TMEM196: variants seen among roughly 807,000 people sequenced by gnomAD.
TMEM196 encodes the protein transmembrane protein 196.
In TMEM196, 17 loss-of-function variants were observed where a neutral mutation model predicts 20.0. That is an observed-to-expected ratio of 0.85 (90% confidence interval 0.58 to 1.27). The LOEUF (loss-of-function observed/expected upper bound fraction) is 1.27, where lower values mean the gene tolerates loss of function less well. Ranked by LOEUF, TMEM196 falls within the 50% of genes most tolerant of loss-of-function variation. The pLI, the probability that TMEM196 is intolerant of heterozygous loss-of-function variation, is 0.00. For synonymous variants in TMEM196, 113 were observed against 88.9 expected (o/e 1.27, Z -1.52); for missense variants, 267 against 223.0 (o/e 1.20, Z -1.26).
At position 19,722,057 on chromosome 7, in the gene TMEM196, A is replaced by T; in HGVS notation, c.*71T>A. On this transcript the variant is annotated 3_prime_UTR_variant, in exon 5 of 5. Coordinates refer to ENST00000405844, the MANE Select transcript of TMEM196 (RefSeq NM_001363562.2). ...CTCATGAAAATCCTAAAAAGTGTTC[A>T]ATTCTTTAAAACATTGATTACACTC... The T allele has an allele frequency of 6.2e-7, 1 of 1,603,910 alleles. No homozygotes were observed. Among genetic ancestry groups the T allele is most frequent in the Non-Finnish European group, 8.5e-7 (1 of 1,173,928 alleles).
At chr7:19,730,567 G>T (rs942855580) in intron 1 of TMEM196, among the ~76,000 whole-genome samples, 4 of 152,186 alleles carry the variant, frequency 2.6e-5, no homozygotes, top group African/African-American at 9.6e-5. Context: ...TTCGCAAAGA[G>T]AACTAGTTTT....
chr7:19,734,412 G>C (rs1320534696), intron 1 of TMEM196, among the ~76,000 whole-genome samples: 1 of 152,158 alleles, frequency 6.6e-6, no homozygotes, highest in East Asian at 1.9e-4. Context: ...CATAACCCAT[G>C]AATATTATAG....
intron 1 of TMEM196, among the ~76,000 whole-genome samples, chr7:19,739,641 C>G (rs897804645): frequency 1.3e-5 from 2 of 151,980 alleles, no homozygotes; most frequent in Non-Finnish European, 2.9e-5. Context: ...AAATGAACTC[C>G]TAAAAACTAA....
At chr7:19,742,604 C>G (rs1056723244) in intron 1 of TMEM196, among the ~76,000 whole-genome samples, 1 of 152,144 alleles carries the variant, frequency 6.6e-6, no homozygotes, top group African/African-American at 2.4e-5. Context: ...GGGAATGAGG[C>G]AGTGTATAAA....
At chr7:19,766,963 T>G (rs1785656625) in intron 1 of TMEM196, among the ~76,000 whole-genome samples, 1 of 152,132 alleles carries the variant, frequency 6.6e-6, no homozygotes, top group Non-Finnish European at 1.5e-5. Flanking sequence ...AATTAAAAGT[T>G]TTGAATTTAT....
intron 1 of TMEM196, among the ~76,000 whole-genome samples, chr7:19,771,939 G>A (rs533248242): frequency 1.3e-5 from 2 of 152,224 alleles, no homozygotes; most frequent in East Asian, 3.9e-4. Flanking sequence ...CGTTTTCAGA[G>A]GTGAAATATC....
intron 1 of TMEM196, among the ~76,000 whole-genome samples, chr7:19,744,148 G>A (rs958052043): frequency 7.9e-5 from 12 of 152,274 alleles, no homozygotes; most frequent in Non-Finnish European, 1.5e-4. Flanking sequence ...ATGAATGGTG[G>A]TTTCTGAGCC....
chr7:19,762,512 A>G (rs1785474800), intron 1 of TMEM196, among the ~76,000 whole-genome samples: 1 of 152,104 alleles, frequency 6.6e-6, no homozygotes, highest in South Asian at 2.1e-4. Context: ...TAATAAGTGT[A>G]TTTATGTAAC....
intron 1 of TMEM196, among the ~76,000 whole-genome samples, chr7:19,742,823 G>A (rs1784624548): frequency 6.6e-6 from 1 of 152,140 alleles, no homozygotes; most frequent in African/African-American, 2.4e-5. Context: ...TAAGAGTCCT[G>A]AAGGGAGCAG....
chr7:19,738,030 G>A (rs1279507945), intron 1 of TMEM196, among the ~76,000 whole-genome samples: 1 of 151,864 alleles, frequency 6.6e-6, no homozygotes, highest in Non-Finnish European at 1.5e-5. Context: ...CAATGAAAGG[G>A]GTCAGGGAGA....
In TMEM196 at chr7:19,720,077, A is replaced by C. The variant is rs1474668686; in HGVS notation, c.*2051T>G. The C allele has an allele frequency of 6.6e-6, 1 of 152,116 alleles. No individual in the cohort carries two copies. The highest frequency in any genetic ancestry group is 1.5e-5 in the Non-Finnish European group (1 of 67,950). 9.4% of individuals were successfully genotyped at this position (152,116 alleles called of 1,614,324 possible). A position where few individuals can be genotyped will look rare whatever the true frequency, so the allele number is the denominator to read the frequency against. ...ATGAATTCAGGAGGACCATACACAC[A>C]CAAATATCTTCATGATGTAATTTAG... On this transcript the variant is annotated 3_prime_UTR_variant, in exon 5 of 5. Transcript: ENST00000405844.
At chr7:19,762,184 G>A (rs1359220478) in intron 1 of TMEM196, among the ~76,000 whole-genome samples, 1 of 151,836 alleles carries the variant, frequency 6.6e-6, no homozygotes, top group Non-Finnish European at 1.5e-5. Flanking sequence ...ATAAATCTTA[G>A]TTATAGTCAT....
At chr7:19,745,196 G>C (rs956917367) in intron 1 of TMEM196, among the ~76,000 whole-genome samples, 30 of 152,010 alleles carry the variant, frequency 2.0e-4, no homozygotes, top group African/African-American at 7.0e-4. Flanking sequence ...ATACTATATT[G>C]TTTTTCTATG....
chr7:19,732,521 C>T (rs1172217496), intron 1 of TMEM196, among the ~76,000 whole-genome samples: 2 of 147,608 alleles, frequency 1.4e-5, no homozygotes, highest in East Asian at 2.0e-4. Context: ...TGCAGTGAGC[C>T]GAGATCGCAT....
intron 4 of TMEM196, 139 bp downstream of exon 4, chr7:19,724,141 G>T (rs1783905880): frequency 1.3e-6 from 1 of 749,330 alleles, no homozygotes; most frequent in Non-Finnish European, 2.2e-6. Flanking sequence ...CAAAGTAAGC[G>T]CTTACGAAAG....
intron 1 of TMEM196, among the ~76,000 whole-genome samples, chr7:19,748,722 C>T (rs1784853622): frequency 6.6e-6 from 1 of 152,120 alleles, no homozygotes; most frequent in Non-Finnish European, 1.5e-5. Context: ...GATCAAGATA[C>T]ATTTTGCTTA....
intron 1 of TMEM196, among the ~76,000 whole-genome samples, chr7:19,742,694 C>T (rs940016443): frequency 1.3e-5 from 2 of 152,042 alleles, no homozygotes; most frequent in South Asian, 4.1e-4. Context: ...ACAACTGGAC[C>T]CACTTTAGTC....
chr7:19,767,469 A>C (rs909765594), intron 1 of TMEM196, among the ~76,000 whole-genome samples: 5 of 152,046 alleles, frequency 3.3e-5, no homozygotes, highest in African/African-American at 7.2e-5. Context: ...GGACTTTATT[A>C]TATGCAAAAA....
At chr7:19,760,352 C>CTTTTTTTTTTTTTTT (rs55646735) in intron 1 of TMEM196, among the ~76,000 whole-genome samples, 1 of 92,178 alleles carries the variant, frequency 1.1e-5, no homozygotes, top group Admixed American at 1.2e-4. Flanking sequence ...ATATATTTTC[C>CTTTTTTTTTTTTTTT]TTTTTTTTTT....
Sources: allele counts gnomAD v4.1 joint callset (sites outside exome capture counted in the v4.1 genomes callset), GRCh38; gene constraint gnomAD v4.1.1; transcripts MANE v1.5; gene names NCBI Gene and HGNC (gene_info 2026-07-23, HGNC 2026-07-21).